The following TYRO3 variants were observed in gnomAD, a reference collection of about 807,000 sequenced individuals.
TYRO3 encodes tyrosine-protein kinase receptor TYRO3.
A neutral mutation model predicts 95.2 loss-of-function variants in TYRO3; 38 were observed. That is an observed-to-expected ratio of 0.40 (90% CI 0.31 to 0.52). TYRO3 has a LOEUF of 0.52. Among genes scored for constraint, TYRO3 ranks in the 20% least tolerant of loss-of-function variants. TYRO3 has a pLI of 0.56. For missense variants in TYRO3, 812 were observed against 1,116.4 expected (o/e 0.73, Z 3.89); for synonymous variants, 367 against 432.9 (o/e 0.85, Z 1.89).
chr15:41,569,474 G>C (rs1027538858), intron 9 of TYRO3, among the ~76,000 whole-genome samples: 2 of 151,194 alleles, frequency 1.3e-5, no homozygotes, highest in Non-Finnish European at 2.9e-5. Flanking sequence ...TGTCTCTAAA[G>C]AAACAAACAA....
In TYRO3 at chr15:41,579,275, G is replaced by A. The variant is rs1420162914; in HGVS notation, c.*999G>A. On this transcript the variant is annotated 3_prime_UTR_variant, in exon 19 of 19. Transcript: ENST00000263798. Reference sequence around the variant, plus strand: ...TGCATGGGGCGGGTCCTAGCTGTTAGGGACATTTCCAAGCTGTTAGTTGCT... The same window carrying A: ...TGCATGGGGCGGGTCCTAGCTGTTAAGGACATTTCCAAGCTGTTAGTTGCT... 6.6e-6 allele frequency: 1 copy of A among 152,188 alleles called. No homozygotes were observed. The highest frequency in any genetic ancestry group is 2.4e-5 in the African/African-American group (1 of 41,420). The allele number at this position is 152,188 out of a possible 1,614,324, so 9.4% of individuals were successfully genotyped here. A position where few individuals can be genotyped will look rare whatever the true frequency, so the allele number is the denominator to read the frequency against.
At chr15:41,564,109 G>A in intron 4 of TYRO3, 75 bp from the exon 5 acceptor site, 1 of 1,368,764 alleles carries the variant, frequency 7.3e-7, no homozygotes, top group South Asian at 1.2e-5. Context: ...ACCAGAGCCT[G>A]AGTATTCCCC....
At chr15:41,571,384 G>C (rs940433582) in intron 13 of TYRO3, among the ~76,000 whole-genome samples, 3 of 152,178 alleles carry the variant, frequency 2.0e-5, no homozygotes. Flanking sequence ...GACCTGCTGG[G>C]CTGCCCAAAC....
At chr15:41,570,499 C>G in intron 11 of TYRO3, 105 bp from the exon 12 acceptor site, 1 of 1,368,852 alleles carries the variant, frequency 7.3e-7, no homozygotes, top group Non-Finnish European at 1.0e-6. Flanking sequence ...CCGTGGGAGA[C>G]CTAAGCTCAT....
At position 41,565,058 on chromosome 15, in the gene TYRO3, A is replaced by T; in HGVS notation, c.700A>T (p.Thr234Ser). ...LPAAPFNITV[T>S]KLSSSNASVA... ...TGCAGCCCCCTTCAACATCACCGTG[A>T]CAAAGCTTTCCAGCAGCAACGCTAG... The change falls in exon 6 of 19, where the codon ACA becomes TCA. Residue 234 changes from threonine (T) to serine (S), a missense_variant. Transcript: ENST00000263798. 1 of 1,613,086 alleles carries T rather than the reference A, an allele frequency of 6.2e-7. No individual in the cohort carries two copies. Among genetic ancestry groups the T allele is most frequent in the Non-Finnish European group, 8.5e-7 (1 of 1,179,998 alleles).
In TYRO3 at chr15:41,570,301, T is replaced by A. The variant is rs1476369168; in HGVS notation, c.1444T>A (p.Ser482Thr). 2 of 1,614,082 alleles carry A rather than the reference T, an allele frequency of 1.2e-6. No individual in the cohort carries two copies. Among genetic ancestry groups the A allele is most frequent in the South Asian group, 2.2e-5 (2 of 91,070 alleles). ...AGCCGTTCACTTCCGGGCAGCCCGG[T>A]CCTTCAATCGAGAAAGGCCCGAGCG... ...EPAVHFRAAR[S>T]FNRERPERIE... Residue 482 changes from serine to threonine, a missense_variant, in exon 11 of 19, where the codon TCC (serine) becomes ACC (threonine). Coordinates refer to ENST00000263798, the MANE Select transcript of TYRO3 (RefSeq NM_006293.4).
rs757772316 is a variant in TYRO3, at chr15:41,582,118, A to G, written c.*3842A>G. On this transcript the variant is annotated 3_prime_UTR_variant, in exon 19 of 19. Coordinates refer to ENST00000263798, the MANE Select transcript of TYRO3 (RefSeq NM_006293.4). The stretch of plus-strand genomic sequence containing the variant: ...TGAAGCTCCTTTTAAAAGTATATAA[A>G]TGGAGTCATGTAGATTTGATTACTT... 3 of 152,130 alleles carry G rather than the reference A, an allele frequency of 2.0e-5. No individual in the cohort carries two copies. Among genetic ancestry groups the G allele is most frequent in the Non-Finnish European group, 4.4e-5 (3 of 68,038 alleles). The allele number at this position is 152,130 out of a possible 1,614,324, so 9.4% of individuals were successfully genotyped here.
rs1269024130 is a variant in TYRO3 at position 41,583,234 on chromosome 15, G to C, written c.*4958G>C. The C allele has an allele frequency of 6.6e-6, 1 of 152,068 alleles. No individual in the cohort carries two copies. The highest frequency in any genetic ancestry group is 2.4e-5 in the African/African-American group (1 of 41,360). The allele number at this position is 152,068 out of a possible 1,614,324, so 9.4% of individuals were successfully genotyped here. ...GATGGTCTCGATCTCCTGACCTCGT[G>C]ATCTGCCCGCCTCAGCCTCCCAAAG... On this transcript the variant is annotated 3_prime_UTR_variant, in exon 19 of 19. Transcript: ENST00000263798.
intron 13 of TYRO3, 183 bp from the exon 14 acceptor site, chr15:41,571,412 A>G (rs1274506539): frequency 1.5e-5 from 9 of 616,406 alleles, no homozygotes; most frequent in Non-Finnish European, 2.6e-5. Context: ...AAGGGAAGGC[A>G]TTAGCAAGTG....
rs369495054 is a variant in TYRO3 at position 41,560,393 on chromosome 15, ATGTGTGTG to A, written c.125-705_125-698del. On this transcript the variant is annotated intron_variant, in intron 1 of 18. Coordinates refer to ENST00000263798, the MANE Select transcript of TYRO3 (RefSeq NM_006293.4). Reference sequence around the variant, plus strand: ...CCAGGAGGCCAGGAGAGGTGCGTGTATGTGTGTGTGTGTGTGTGTGTGTGTGTGTGTGT... The same window carrying A: ...CCAGGAGGCCAGGAGAGGTGCGTGTATGTGTGTGTGTGTGTGTGTGTGTGT... Among the ~76,000 whole-genome samples the A allele has an allele frequency of 1.4e-3, 172 of 120,500 alleles. 2 individuals are homozygous for A. The highest frequency in any genetic ancestry group is 2.2e-3 in the Non-Finnish European group (129 of 57,698). The allele number at this position is 120,500 out of a possible 152,430, so 79.1% of individuals were successfully genotyped here. A position where few individuals can be genotyped will look rare whatever the true frequency, so the allele number is the denominator to read the frequency against.
At chr15:41,562,798 T>C in intron 4 of TYRO3, 80 bp downstream of exon 4, 1 of 1,448,632 alleles carries the variant, frequency 6.9e-7, no homozygotes, top group Non-Finnish European at 9.3e-7. Context: ...TTTCAGCCAC[T>C]GAGCTTGCGG....
chr15:41,582,049 C>T lies in TYRO3; in HGVS notation c.*3773C>T. On this transcript the variant is annotated 3_prime_UTR_variant, in exon 19 of 19. Transcript: ENST00000263798. ...CTCAATCTCTGCCTCCTCCCTACTCCCCATAGGTAACCTCTATCCTGACCT... is the reference window on the plus strand; with the variant it reads ...CTCAATCTCTGCCTCCTCCCTACTCTCCATAGGTAACCTCTATCCTGACCT... 6.6e-6 allele frequency: 1 copy of T among 152,378 alleles called. No homozygotes were observed. Among genetic ancestry groups the T allele is most frequent in the Non-Finnish European group, 1.5e-5 (1 of 68,078 alleles). 9.4% of individuals were successfully genotyped at this position (152,378 alleles called of 1,614,324 possible).
At position 41,573,119 on chromosome 15, in the gene TYRO3, T is replaced by C; in HGVS notation, c.1985+8T>C. On this transcript the variant is annotated splice_region_variant and intron_variant, in intron 16 of 18. Coordinates refer to ENST00000263798, the MANE Select transcript of TYRO3 (RefSeq NM_006293.4). ...GGCTGCTCGGAATTGCATGTACGAA[T>C]TCTGGAGGACTCGAGGGTGGGAGAC... The C allele has an allele frequency of 2.1e-6, 2 of 975,120 alleles. No homozygotes were observed. The highest frequency in any genetic ancestry group is 3.0e-4 in the Middle Eastern group (1 of 3,334). 60.4% of individuals were successfully genotyped at this position (975,120 alleles called of 1,614,324 possible). A position where few individuals can be genotyped will look rare whatever the true frequency, so the allele number is the denominator to read the frequency against.
At chr15:41,560,426 TGTGC>T (rs1277307710) in intron 1 of TYRO3, among the ~76,000 whole-genome samples, 36 of 134,448 alleles carry the variant, frequency 2.7e-4, no homozygotes, top group South Asian at 1.2e-3. Context: ...TGTGTGTGTG[TGTGC>T]GCGCGCGCGC....
intron 17 of TYRO3, 43 bp downstream of exon 17, chr15:41,573,510 G>C (rs1566903500): frequency 6.6e-7 from 1 of 1,508,278 alleles, no homozygotes; most frequent in Non-Finnish European, 9.0e-7. Flanking sequence ...ACGAGTGTGA[G>C]AGCAGACCTT....
intron 1 of TYRO3, among the ~76,000 whole-genome samples, chr15:41,560,428 T>TGTGTGTGTGTGTGTGTGTGCGCGC (rs1408766845): frequency 7.4e-6 from 1 of 135,254 alleles, no homozygotes; most frequent in Non-Finnish European, 1.6e-5. Context: ...TGTGTGTGTG[T>TGTGTGTGTGTGTGTGTGTGCGCGC]GCGCGCGCGC....
At position 41,568,375 on chromosome 15, in the gene TYRO3, C is replaced by A. The variant is rs1260475546; in HGVS notation, c.1107+13C>A. 1 of 1,497,530 alleles carries A rather than the reference C, an allele frequency of 6.7e-7. No individual in the cohort carries two copies. Among genetic ancestry groups the A allele is most frequent in the Non-Finnish European group, 9.2e-7 (1 of 1,090,924 alleles). 92.8% of individuals were successfully genotyped at this position (1,497,530 alleles called of 1,614,324 possible). A position where few individuals can be genotyped will look rare whatever the true frequency, so the allele number is the denominator to read the frequency against. On this transcript the variant is annotated intron_variant, in intron 8 of 18. Transcript: ENST00000263798. ...CAATGGAACCCAGGTAAGACAGAAC[C>A]CTCCCCTCTCTCCACTCTCCTGGAG...
In TYRO3 at chr15:41,565,008, C is replaced by G; in HGVS notation, c.668-18C>G. The G allele has an allele frequency of 4.5e-6, 7 of 1,564,240 alleles. No individual in the cohort carries two copies. The highest frequency in any genetic ancestry group is 6.1e-6 in the Non-Finnish European group (7 of 1,141,232). On this transcript the variant is annotated intron_variant, in intron 5 of 18. Coordinates refer to ENST00000263798, the MANE Select transcript of TYRO3 (RefSeq NM_006293.4). ...CTCATATCCCTACTGGGCACTGATT[C>G]TGAGTCCCCGTCCACAGCACTGCCT...
chr15:41,573,288 TCC>T lies in TYRO3; in HGVS notation c.1986-18_1986-17del, dbSNP rs2055821163. ...TGAGCATGGCAGAAGGCTGACTCTCTCCCTCAATGCCCCTTGTAGGCTGGCAG... is the reference window on the plus strand; with the variant it reads ...TGAGCATGGCAGAAGGCTGACTCTCTCTCAATGCCCCTTGTAGGCTGGCAG... On this transcript the variant is annotated intron_variant, in intron 16 of 18. Coordinates refer to ENST00000263798, the MANE Select transcript of TYRO3 (RefSeq NM_006293.4). The T allele has an allele frequency of 8.5e-7, 1 of 1,175,396 alleles. No individual in the cohort carries two copies. Among genetic ancestry groups the T allele is most frequent in the East Asian group, 2.3e-5 (1 of 43,576 alleles). 72.8% of individuals were successfully genotyped at this position (1,175,396 alleles called of 1,614,324 possible). A position where few individuals can be genotyped will look rare whatever the true frequency, so the allele number is the denominator to read the frequency against.
Sources: allele counts gnomAD v4.1 joint callset (sites outside exome capture counted in the v4.1 genomes callset), GRCh38; gene constraint gnomAD v4.1.1; transcripts MANE v1.5; gene names NCBI Gene and HGNC (gene_info 2026-07-23, HGNC 2026-07-21).